SFMBT2: variants seen among roughly 807,000 people sequenced by gnomAD.
SFMBT2 encodes the protein scm-like with four MBT domains protein 2.
Under a neutral mutation model 110.1 loss-of-function variants are expected in SFMBT2, and 38 were observed. The observed-to-expected ratio is 0.35, with a 90% CI of 0.27 to 0.45. The LOEUF (loss-of-function observed/expected upper bound fraction) is 0.45. SFMBT2 is among the 20% of genes least tolerant of loss of function. The probability of loss-of-function intolerance (pLI) is 1.00; values close to 1 mark genes in which losing one functional copy is unlikely to be tolerated. For missense variants in SFMBT2, 1,011 were observed against 1,094.9 expected (o/e 0.92, Z 1.08); for synonymous variants, 425 against 425.4 (o/e 1.00, Z 0.01).
At chr10:7,381,070 C>CACATACATACATACAT (rs34216043) in intron 2 of SFMBT2, among the ~76,000 whole-genome samples, 2 of 149,502 alleles carry the variant, frequency 1.3e-5, no homozygotes, top group East Asian at 2.0e-4. Flanking sequence ...CACACATACA[C>CACATACATACATACAT]ACATACATAC....
chr10:7,350,440 C>G (rs1359707580), intron 4 of SFMBT2, among the ~76,000 whole-genome samples: 1 of 152,214 alleles, frequency 6.6e-6, no homozygotes, highest in African/African-American at 2.4e-5. Flanking sequence ...CAGCCTTATT[C>G]TGCACCCATG....
intron 4 of SFMBT2, among the ~76,000 whole-genome samples, chr10:7,294,383 T>TA (rs1477375448): frequency 6.6e-6 from 1 of 152,212 alleles, no homozygotes; most frequent in African/African-American, 2.4e-5. Flanking sequence ...CCCTAGCATG[T>TA]AACAGTAGGA....
At chr10:7,265,905 G>A (rs578259458) in intron 7 of SFMBT2, among the ~76,000 whole-genome samples, 23 of 152,216 alleles carry the variant, frequency 1.5e-4, no homozygotes, top group South Asian at 6.2e-4. Context: ...CTTGGCTCTC[G>A]CAGAGCCTGC....
At chr10:7,370,878 C>T in intron 2 of SFMBT2, 2 of 854,226 alleles carry the variant, frequency 2.3e-6, no homozygotes, top group Non-Finnish European at 2.8e-6. Flanking sequence ...AAGAATTGCT[C>T]GAGTGTGTGG....
At chr10:7,362,989 G>T (rs1844771812) in intron 4 of SFMBT2, among the ~76,000 whole-genome samples, 1 of 152,096 alleles carries the variant, frequency 6.6e-6, no homozygotes, top group African/African-American at 2.4e-5. Flanking sequence ...CTTCACAAGG[G>T]TCACAAACCT....
intron 9 of SFMBT2, 129 bp downstream of exon 9, chr10:7,243,429 C>T (rs562801922): frequency 4.2e-5 from 28 of 670,008 alleles, no homozygotes; most frequent in Admixed American, 3.8e-4. Context: ...TGATGAAGAA[C>T]GCCCTATTTC....
intron 15 of SFMBT2, among the ~76,000 whole-genome samples, chr10:7,191,292 A>G (rs550652518): frequency 2.0e-5 from 3 of 152,276 alleles, no homozygotes; most frequent in South Asian, 2.1e-4. Context: ...TGTGTCCACA[A>G]TGTCCCTGAA....
intron 7 of SFMBT2, among the ~76,000 whole-genome samples, chr10:7,259,665 G>A (rs1019115219): frequency 4.6e-5 from 7 of 152,202 alleles, no homozygotes; most frequent in African/African-American, 9.7e-5. Flanking sequence ...GTCAGGTATC[G>A]CTGATGAGAC....
At chr10:7,209,901 C>T (rs548013201) in intron 11 of SFMBT2, among the ~76,000 whole-genome samples, 12 of 152,260 alleles carry the variant, frequency 7.9e-5, no homozygotes, top group Non-Finnish European at 1.6e-4. Context: ...ACCATAGACA[C>T]CCAGAGAAGA....
chr10:7,255,812 C>A (rs1160696374), intron 7 of SFMBT2, among the ~76,000 whole-genome samples: 1 of 152,210 alleles, frequency 6.6e-6, no homozygotes, highest in Non-Finnish European at 1.5e-5. Flanking sequence ...AAACTGGAAT[C>A]CCAACTCTGA....
chr10:7,236,586 CTTCAA>C (rs1480696721), intron 9 of SFMBT2, among the ~76,000 whole-genome samples: 2 of 152,076 alleles, frequency 1.3e-5, no homozygotes, highest in Non-Finnish European at 2.9e-5. Flanking sequence ...AAATGAAAAA[CTTCAA>C]TTCAATTCAA....
At chr10:7,332,526 G>A (rs1035103361) in intron 4 of SFMBT2, among the ~76,000 whole-genome samples, 14 of 152,118 alleles carry the variant, frequency 9.2e-5, no homozygotes, top group African/African-American at 3.1e-4. Context: ...ATTTATTTGC[G>A]CTTGTAAAAT....
intron 2 of SFMBT2, among the ~76,000 whole-genome samples, chr10:7,375,720 G>A (rs914026873): frequency 6.2e-5 from 9 of 146,316 alleles, no homozygotes; most frequent in Non-Finnish European, 8.9e-5. Flanking sequence ...ACTACCCGAT[G>A]GCCAGAGTTA....
At chr10:7,329,516 C>G in intron 4 of SFMBT2, 1 of 984,876 alleles carries the variant, frequency 1.0e-6, no homozygotes, top group Non-Finnish European at 1.2e-6. Context: ...AGAGGAGGTG[C>G]TGCTGCTGCT....
At chr10:7,375,575 A>G (rs748695106) in intron 2 of SFMBT2, among the ~76,000 whole-genome samples, 2 of 152,108 alleles carry the variant, frequency 1.3e-5, no homozygotes, top group Non-Finnish European at 2.9e-5. Flanking sequence ...CCATGAGTAT[A>G]TTCATTGGAA....
chr10:7,200,325 T>C (rs1343998772), intron 14 of SFMBT2, 89 bp downstream of exon 14: 1 of 998,700 alleles, frequency 1.0e-6, no homozygotes, highest in African/African-American at 1.7e-5. Flanking sequence ...CGTTGAGATG[T>C]ATTCATATCG....
At chr10:7,346,052 A>C (rs1844097788) in intron 4 of SFMBT2, among the ~76,000 whole-genome samples, 1 of 151,756 alleles carries the variant, frequency 6.6e-6, no homozygotes. Context: ...TGTCGCCCTC[A>C]CCCCCCCGAA....
intron 17 of SFMBT2, among the ~76,000 whole-genome samples, chr10:7,175,434 G>A (rs1838024968): frequency 1.3e-5 from 2 of 152,234 alleles, no homozygotes; most frequent in South Asian, 2.1e-4. Flanking sequence ...CCTGCACCCT[G>A]TGTCCTGGGA....
intron 4 of SFMBT2, among the ~76,000 whole-genome samples, chr10:7,300,592 G>A (rs1008031163): frequency 6.6e-6 from 1 of 152,074 alleles, no homozygotes; most frequent in African/African-American, 2.4e-5. Context: ...CCCATGTGGT[G>A]TATGTCACAC....
Sources: allele counts gnomAD v4.1 joint callset (sites outside exome capture counted in the v4.1 genomes callset), GRCh38; gene constraint gnomAD v4.1.1; transcripts MANE v1.5; gene names NCBI Gene and HGNC (gene_info 2026-07-23, HGNC 2026-07-21).